TPPP3: variants seen among roughly 807,000 people sequenced by gnomAD.
TPPP3 encodes tubulin polymerization-promoting protein family member 3.
Under a neutral mutation model 13.1 loss-of-function variants are expected in TPPP3, and 7 were observed. That is an observed-to-expected ratio of 0.54 (90% CI 0.30 to 1.01). The LOEUF is 1.01. Among genes scored for constraint, TPPP3 ranks in the 50% least tolerant of loss-of-function variants. TPPP3 has a pLI of 0.06. For synonymous variants in TPPP3, 87 were observed against 93.7 expected, an observed-to-expected ratio of 0.93 and a Z score of 0.41; for missense variants, 185 against 235.0, an observed-to-expected ratio of 0.79 and a Z score of 1.39.
In TPPP3 at chr16:67,390,789, A is replaced by G; in HGVS notation, c.188+135T>C. On this transcript the variant is annotated intron_variant, in intron 2 of 3. Coordinates refer to ENST00000393957, the MANE Select transcript of TPPP3 (RefSeq NM_015964.4). The surrounding 1 kb of genome is among the most constrained non-coding windows in gnomAD (Gnocchi z 6.4). ...TCAGCAACTCTGGAGGGCAATAGAT[A>G]TAAGGTTTGCCCTGGAAGAACGACC... 2 of 1,403,962 alleles carry G rather than the reference A, an allele frequency of 1.4e-6. No individual in the cohort carries two copies. Among genetic ancestry groups the G allele is most frequent in the Non-Finnish European group, 1.9e-6 (2 of 1,047,622 alleles). The allele number at this position is 1,403,962 out of a possible 1,614,324, so 87.0% of individuals were successfully genotyped here.
In TPPP3 at chr16:67,393,133, A is replaced by T. The variant is rs947949026; in HGVS notation, c.-7+247T>A. ...CCATGGGTCTGCAGGCCATGGATGGAGTGGCCACACCCGTGAACTGGAGCC... is the reference window on the plus strand; with the variant it reads ...CCATGGGTCTGCAGGCCATGGATGGTGTGGCCACACCCGTGAACTGGAGCC... On this transcript the variant is annotated intron_variant, in intron 1 of 3. Transcript: ENST00000393957. This position sits in a 1 kb window ranked among gnomAD's most constrained non-coding sequence, Gnocchi z 5.4. 1 of 738,448 alleles carries T rather than the reference A, an allele frequency of 1.4e-6. No homozygotes were observed. The highest frequency in any genetic ancestry group is 1.7e-6 in the Non-Finnish European group (1 of 604,274). The allele number at this position is 738,448 out of a possible 1,614,324, so 45.7% of individuals were successfully genotyped here.
Position 67,392,794 on chromosome 16 carries a change from G to A in TPPP3, c.-7+586C>T, listed in dbSNP as rs946619645. 1.1e-4 allele frequency among the ~76,000 whole-genome samples: 16 copies of A among 152,018 alleles called. No individual in the cohort carries two copies. Among genetic ancestry groups the A allele is most frequent in the Admixed American group, 7.2e-4 (11 of 15,264 alleles). ...CCCCATCTTCCACCAAAAACTCCTC[G>A]CCAGTGACCACACTCCCATCCCTAA... On this transcript the variant is annotated intron_variant, in intron 1 of 3. Coordinates refer to ENST00000393957, the MANE Select transcript of TPPP3 (RefSeq NM_015964.4). The surrounding 1 kb of genome is among the most constrained non-coding windows in gnomAD (Gnocchi z 4.9).
In TPPP3 at chr16:67,392,923, C is replaced by T. The variant is rs1189294460; in HGVS notation, c.-7+457G>A. The T allele has an allele frequency of 2.0e-6, 2 of 976,564 alleles. No individual in the cohort carries two copies. Among genetic ancestry groups the T allele is most frequent in the African/African-American group, 3.5e-5 (2 of 57,060 alleles). 60.5% of individuals were successfully genotyped at this position (976,564 alleles called of 1,614,324 possible). A position where few individuals can be genotyped will look rare whatever the true frequency, so the allele number is the denominator to read the frequency against. ...TTCCCTTTCCCTGGGTGCAACCTCC[C>T]ACCAGGGACCCCAAGACCCGCACTT... On this transcript the variant is annotated intron_variant, in intron 1 of 3. Transcript: ENST00000393957. This position sits in a 1 kb window ranked among gnomAD's most constrained non-coding sequence, Gnocchi z 4.9.
Position 67,392,829 on chromosome 16 carries a change from T to C in TPPP3, c.-7+551A>G. The C allele has an allele frequency of 2.7e-6, 1 of 370,130 alleles. No individual in the cohort carries two copies. Among genetic ancestry groups the C allele is most frequent in the Non-Finnish European group, 3.7e-6 (1 of 267,248 alleles). 22.9% of individuals were successfully genotyped at this position (370,130 alleles called of 1,614,324 possible). ...ACACTCCCATCCCTAAGTGGCAGTT[T>C]CTGGGACTGTGAGCACCGGTGGTTC... On this transcript the variant is annotated intron_variant, in intron 1 of 3. Coordinates refer to ENST00000393957, the MANE Select transcript of TPPP3 (RefSeq NM_015964.4). The surrounding 1 kb of genome is among the most constrained non-coding windows in gnomAD (Gnocchi z 4.9).
In TPPP3 at chr16:67,391,881, G is replaced by A; in HGVS notation, c.-6-764C>T. 1 of 152,568 alleles carries A rather than the reference G, an allele frequency of 6.6e-6. No individual in the cohort carries two copies. Among genetic ancestry groups the A allele is most frequent in the Non-Finnish European group, 1.5e-5 (1 of 68,238 alleles). 9.5% of individuals were successfully genotyped at this position (152,568 alleles called of 1,614,324 possible). A position where few individuals can be genotyped will look rare whatever the true frequency, so the allele number is the denominator to read the frequency against. Reference sequence around the variant, plus strand: ...TGGGGCCCACGGGTGGGGCACGCCAGCACTCCCTGCGCCTAGGGCATAACC... The same window carrying A: ...TGGGGCCCACGGGTGGGGCACGCCAACACTCCCTGCGCCTAGGGCATAACC... On this transcript the variant is annotated intron_variant, in intron 1 of 3. Transcript: ENST00000393957. This position sits in a 1 kb window ranked among gnomAD's most constrained non-coding sequence, Gnocchi z 6.3.
Position 67,390,502 on chromosome 16 carries a change from CT to C in TPPP3, c.318del (p.Glu107SerfsTer16). ...ACAGTGACGCCCACATTGGCTGGCT[CT>C]TTGCCTGCCACCAGCTGGCAGATGG... Reference protein sequence around the residue: ...FDAICQLVAGKEPANVGVTKA... With the variant: ...FDAICQLVAGXEPANVGVTKA... On this transcript the variant is annotated frameshift_variant, in exon 3 of 4. Coordinates refer to ENST00000393957, the MANE Select transcript of TPPP3 (RefSeq NM_015964.4). LOFTEE classifies it high-confidence loss of function. The surrounding 1 kb of genome is among the most constrained non-coding windows in gnomAD (Gnocchi z 6.4). 1.2e-6 allele frequency: 2 copies of C among 1,613,968 alleles called. No homozygotes were observed. The highest frequency in any genetic ancestry group is 1.7e-6 in the Non-Finnish European group (2 of 1,179,990).
chr16:67,390,685 G>C lies in TPPP3; in HGVS notation c.189-53C>G. The stretch of plus-strand genomic sequence containing the variant: ...TTCCCCTTTCTTTTTTCTCCCCCAG[G>C]GGAAAGCTCAAACACATTTGCTGCC... On this transcript the variant is annotated intron_variant, in intron 2 of 3. Transcript: ENST00000393957. The surrounding 1 kb of genome is among the most constrained non-coding windows in gnomAD (Gnocchi z 6.4). 6.4e-7 allele frequency: 1 copy of C among 1,566,832 alleles called. No homozygotes were observed. Among genetic ancestry groups the C allele is most frequent in the Non-Finnish European group, 8.6e-7 (1 of 1,162,194 alleles).
Position 67,391,102 on chromosome 16 carries a change from T to G in TPPP3, c.10A>C (p.Ser4Arg). Residue 4 changes from serine to arginine, a missense_variant, in exon 2 of 4, where the codon AGC becomes CGC. Physicochemically the swap from Ser to Arg is moderately radical, Grantham distance 110 (BLOSUM62 -1). Transcript: ENST00000393957. The surrounding 1 kb of genome is among the most constrained non-coding windows in gnomAD (Gnocchi z 6.3). The part of the protein sequence containing the change: MAA[S>R]TDMAGLEESF... ...TCCTCCAGCCCAGCCATGTCTGTGCTCGCTGCCATGCCACCCTATAGAGAC... is the reference window on the plus strand; with the variant it reads ...TCCTCCAGCCCAGCCATGTCTGTGCGCGCTGCCATGCCACCCTATAGAGAC... 6.2e-7 allele frequency: 1 copy of G among 1,614,106 alleles called. No individual in the cohort carries two copies. The highest frequency in any genetic ancestry group is 8.5e-7 in the Non-Finnish European group (1 of 1,179,996).
At position 67,389,940 on chromosome 16, in the gene TPPP3, GCA is replaced by G. The variant is rs1470856374; in HGVS notation, c.*232_*233del. 2 of 565,992 alleles carry G rather than the reference GCA, an allele frequency of 3.5e-6. No individual in the cohort carries two copies. Among genetic ancestry groups the G allele is most frequent in the African/African-American group, 3.7e-5 (2 of 53,472 alleles). 35.1% of individuals were successfully genotyped at this position (565,992 alleles called of 1,614,324 possible). A position where few individuals can be genotyped will look rare whatever the true frequency, so the allele number is the denominator to read the frequency against. On this transcript the variant is annotated 3_prime_UTR_variant, in exon 4 of 4. Transcript: ENST00000393957. Reference sequence around the variant, plus strand: ...CTGGGTTGGGGTCATGAGGCTACAGGCACAGACTGTCCCCAGGTGGACAGAAG... The same window carrying G: ...CTGGGTTGGGGTCATGAGGCTACAGGCAGACTGTCCCCAGGTGGACAGAAG...
In TPPP3 at chr16:67,392,062, A is replaced by G. The variant is rs902571906; in HGVS notation, c.-6-945T>C. Reference sequence around the variant, plus strand: ...TGGGGCTGTGGCTGAAACACACTTCATCATGTCTACACCTCAGACCTCCCC... The same window carrying G: ...TGGGGCTGTGGCTGAAACACACTTCGTCATGTCTACACCTCAGACCTCCCC... On this transcript the variant is annotated intron_variant, in intron 1 of 3. Coordinates refer to ENST00000393957, the MANE Select transcript of TPPP3 (RefSeq NM_015964.4). The surrounding 1 kb of genome is among the most constrained non-coding windows in gnomAD (Gnocchi z 4.9). The G allele has an allele frequency of 2.0e-5, 3 of 152,634 alleles. No individual in the cohort carries two copies. The highest frequency in any genetic ancestry group is 2.0e-4 in the Admixed American group (3 of 15,268). The allele number at this position is 152,634 out of a possible 1,614,324, so 9.5% of individuals were successfully genotyped here.
In TPPP3 at chr16:67,393,443, C is replaced by G. The variant is rs1417093399; in HGVS notation, c.-70G>C. On this transcript the variant is annotated 5_prime_UTR_variant, in exon 1 of 4. Transcript: ENST00000393957. This position sits in a 1 kb window ranked among gnomAD's most constrained non-coding sequence, Gnocchi z 5.4. The stretch of plus-strand genomic sequence containing the variant: ...AACGACGCAGGAATGGACCGATGGA[C>G]GCGGGAGACCAGGCGGCTCCGCAGC... 1 of 985,574 alleles carries G rather than the reference C, an allele frequency of 1.0e-6. No individual in the cohort carries two copies. Among genetic ancestry groups the G allele is most frequent in the Middle Eastern group, 5.2e-4 (1 of 1,914 alleles). 61.1% of individuals were successfully genotyped at this position (985,574 alleles called of 1,614,324 possible).
At position 67,390,058 on chromosome 16, in the gene TPPP3, TG is replaced by T; in HGVS notation, c.*115del. ...CCCAGTGGGACTAGGCAGGAAGCTC[TG>T]GGTGGCAGGTCCAGCAGGGAGGGGA... is the stretch of plus-strand genomic sequence containing the variant. On this transcript the variant is annotated 3_prime_UTR_variant, in exon 4 of 4. Transcript: ENST00000393957. The surrounding 1 kb of genome is among the most constrained non-coding windows in gnomAD (Gnocchi z 6.4). The T allele has an allele frequency of 1.7e-6, 2 of 1,170,184 alleles. No homozygotes were observed. The highest frequency in any genetic ancestry group is 2.4e-6 in the Non-Finnish European group (2 of 839,372). The allele number at this position is 1,170,184 out of a possible 1,614,324, so 72.5% of individuals were successfully genotyped here.
Position 67,391,275 on chromosome 16 carries a change from G to T in TPPP3, c.-6-158C>A. The T allele has an allele frequency of 1.4e-6, 1 of 726,856 alleles. No individual in the cohort carries two copies. The highest frequency in any genetic ancestry group is 2.2e-6 in the Non-Finnish European group (1 of 451,506). The allele number at this position is 726,856 out of a possible 1,614,324, so 45.0% of individuals were successfully genotyped here. On this transcript the variant is annotated intron_variant, in intron 1 of 3. Transcript: ENST00000393957. The surrounding 1 kb of genome is among the most constrained non-coding windows in gnomAD (Gnocchi z 6.3). ...CTGGGGAGAGGGGCCCGTCACTGTC[G>T]CCCTGGGCCACAGAGCCCCAAGGAA...
Position 67,392,949 on chromosome 16 carries a change from G to T in TPPP3, c.-7+431C>A. ...ACCAGGGACCCCAAGACCCGCACTT[G>T]GTTCACCAAGGGTAACGTCCAGGGG... On this transcript the variant is annotated intron_variant, in intron 1 of 3. Coordinates refer to ENST00000393957, the MANE Select transcript of TPPP3 (RefSeq NM_015964.4). The surrounding 1 kb of genome is among the most constrained non-coding windows in gnomAD (Gnocchi z 4.9). 2 of 985,364 alleles carry T rather than the reference G, an allele frequency of 2.0e-6. No homozygotes were observed. Among genetic ancestry groups the T allele is most frequent in the Non-Finnish European group, 2.4e-6 (2 of 829,860 alleles). 61.0% of individuals were successfully genotyped at this position (985,364 alleles called of 1,614,324 possible). A position where few individuals can be genotyped will look rare whatever the true frequency, so the allele number is the denominator to read the frequency against.
rs1400299761 is a variant in TPPP3 at position 67,390,406 on chromosome 16, C to A, written c.343-44G>T. The stretch of plus-strand genomic sequence containing the variant: ...CCCAGGGGCACCTGATGAGGGAGCC[C>A]AGCCCTTCCCACCCACAGCCACGAT... On this transcript the variant is annotated intron_variant, in intron 3 of 3. Coordinates refer to ENST00000393957, the MANE Select transcript of TPPP3 (RefSeq NM_015964.4). The surrounding 1 kb of genome is among the most constrained non-coding windows in gnomAD (Gnocchi z 6.4). The A allele has an allele frequency of 1.2e-6, 2 of 1,607,866 alleles. No homozygotes were observed. The highest frequency in any genetic ancestry group is 1.1e-5 in the South Asian group (1 of 90,670).
chr16:67,391,487 C>T lies in TPPP3; in HGVS notation c.-6-370G>A, dbSNP rs1037044215. 1.4e-5 allele frequency: 3 copies of T among 207,162 alleles called. No homozygotes were observed. In the Admixed American group the frequency reaches 1.6e-4, roughly 11 times the overall value. The allele number at this position is 207,162 out of a possible 1,614,324, so 12.8% of individuals were successfully genotyped here. ...CTTGCTTGGGTGGAAGTGAGGGTGG[C>T]AGAGCAGGCCCCCTCCCTGGAAGCT... On this transcript the variant is annotated intron_variant, in intron 1 of 3. Transcript: ENST00000393957. The surrounding 1 kb of genome is among the most constrained non-coding windows in gnomAD (Gnocchi z 6.3).
At position 67,391,171 on chromosome 16, in the gene TPPP3, A is replaced by C. The variant is rs2040324779; in HGVS notation, c.-6-54T>G. 2 of 1,564,528 alleles carry C rather than the reference A, an allele frequency of 1.3e-6. No homozygotes were observed. Among genetic ancestry groups the C allele is most frequent in the South Asian group, 2.3e-5 (2 of 86,862 alleles). On this transcript the variant is annotated intron_variant, in intron 1 of 3. Coordinates refer to ENST00000393957, the MANE Select transcript of TPPP3 (RefSeq NM_015964.4). The surrounding 1 kb of genome is among the most constrained non-coding windows in gnomAD (Gnocchi z 6.3). Reference sequence around the variant, plus strand: ...AGCCAATCTGCCCTTCCCCTCCCCCAAGCCCAGAACATCCCAGCCTCTACC... The same window carrying C: ...AGCCAATCTGCCCTTCCCCTCCCCCCAGCCCAGAACATCCCAGCCTCTACC...
rs191099702 is a variant in TPPP3, at chr16:67,392,467, C to T, written c.-7+913G>A. On this transcript the variant is annotated intron_variant, in intron 1 of 3. Transcript: ENST00000393957. The surrounding 1 kb of genome is among the most constrained non-coding windows in gnomAD (Gnocchi z 4.9). ...CCCTGACCATAGCCTCAGCCACTCA[C>T]CCCCTCCAATACCCGCAGCCCTTTA... 6.6e-6 allele frequency among the ~76,000 whole-genome samples: 1 copy of T among 152,002 alleles called. No individual in the cohort carries two copies. The highest frequency in any genetic ancestry group is 1.5e-5 in the Non-Finnish European group (1 of 67,968).
chr16:67,393,421 G>A lies in TPPP3; in HGVS notation c.-48C>T. On this transcript the variant is annotated 5_prime_UTR_variant, in exon 1 of 4. Transcript: ENST00000393957. The surrounding 1 kb of genome is among the most constrained non-coding windows in gnomAD (Gnocchi z 5.4). ...AAGTGTGCGTTCGGAAGGACAGAACGACGCAGGAATGGACCGATGGACGCG... is the reference window on the plus strand; with the variant it reads ...AAGTGTGCGTTCGGAAGGACAGAACAACGCAGGAATGGACCGATGGACGCG... 4.1e-6 allele frequency: 4 copies of A among 985,560 alleles called. No homozygotes were observed. The highest frequency in any genetic ancestry group is 6.1e-5 in the Admixed American group (1 of 16,294). 61.1% of individuals were successfully genotyped at this position (985,560 alleles called of 1,614,324 possible).
Sources: allele counts gnomAD v4.1 joint callset (sites outside exome capture counted in the v4.1 genomes callset), GRCh38; gene constraint gnomAD v4.1.1; non-coding constraint Gnocchi (gnomAD v3.1); transcripts MANE v1.5; gene names NCBI Gene and HGNC (gene_info 2026-07-23, HGNC 2026-07-21).